The following ABCA12 variants were observed in gnomAD, a reference collection of about 807,000 sequenced individuals.
ABCA12 encodes the protein ATP binding cassette subfamily A member 12, also known as glucosylceramide transporter ABCA12.
A neutral mutation model predicts 293.5 loss-of-function variants in ABCA12; 156 were observed. The ratio of observed to expected loss-of-function variants is 0.53; its 90% confidence interval spans 0.47 to 0.61. The LOEUF is 0.61. ABCA12 is among the 20% of genes least tolerant of loss of function. ABCA12 has a pLI of 0.00. For missense variants in ABCA12, 2,797 were observed against 3,090.2 expected, an observed-to-expected ratio of 0.91 and a Z score of 2.25; for synonymous variants, 1,063 against 1,108.0, an observed-to-expected ratio of 0.96 and a Z score of 0.81.
intron 2 of ABCA12, among the ~76,000 whole-genome samples, chr2:215,071,116 G>A (rs1362111132): frequency 6.6e-6 from 1 of 151,630 alleles, no homozygotes; most frequent in Non-Finnish European, 1.5e-5. Flanking sequence ...AGAATCGCTT[G>A]AGCTCAGGAG....
intron 42 of ABCA12, 37 bp from the exon 43 acceptor site, chr2:214,955,398 T>G (rs1454362605): frequency 1.2e-6 from 2 of 1,609,508 alleles, no homozygotes; most frequent in Non-Finnish European, 1.7e-6. Context: ...AAATTACGCC[T>G]CGGCCAGGCA....
chr2:214,934,010 AAAT>A lies in ABCA12; in HGVS notation c.7680+65_7680+67del, dbSNP rs530046332. Reference sequence around the variant, plus strand: ...AAACAAATTGAATGTAATTAAAAAGAAATAACCAGAATGAATAATAATATTAAT... The same window carrying A: ...AAACAAATTGAATGTAATTAAAAAGAAACCAGAATGAATAATAATATTAAT... On this transcript the variant is annotated intron_variant, in intron 52 of 52. Coordinates refer to ENST00000272895, the MANE Select transcript of ABCA12 (RefSeq NM_173076.3). 5.3e-5 allele frequency: 80 copies of A among 1,513,170 alleles called. No individual in the cohort carries two copies. In the Admixed American group the frequency reaches 1.0e-3, roughly 20 times the overall value. 93.7% of individuals were successfully genotyped at this position (1,513,170 alleles called of 1,614,324 possible).
chr2:215,103,267 C>CTTTTTTT (rs72000528), intron 2 of ABCA12, among the ~76,000 whole-genome samples: 7 of 122,382 alleles, frequency 5.7e-5, no homozygotes, highest in East Asian at 2.4e-4. Context: ...AAATTTCTTT[C>CTTTTTTT]TTTTTTTTTT....
chr2:214,955,222 T>G lies in ABCA12; in HGVS notation c.6373A>C (p.Lys2125Gln). The change falls in exon 43 of 53, where the codon AAG becomes CAG. Residue 2125 changes from lysine (K) to glutamine (Q), a missense_variant. Physicochemically the swap from Lys to Gln is moderately conservative, Grantham distance 53. Coordinates refer to ENST00000272895, the MANE Select transcript of ABCA12 (RefSeq NM_173076.3). ...CTTACCGGATCATTAGGCTTTTCCT[T>G]GGAAAGAAAGTATACCACTGACAGG... ...VSLSVVYFLSKEKPNDPTLEL... is the reference protein window; with the variant it reads ...VSLSVVYFLSQEKPNDPTLEL... The G allele has an allele frequency of 2.5e-6, 4 of 1,614,054 alleles. No homozygotes were observed. The highest frequency in any genetic ancestry group is 2.5e-6 in the Non-Finnish European group (3 of 1,179,980).
Position 214,959,076 on chromosome 2 carries a change from T to A in ABCA12, c.5887A>T (p.Ile1963Phe), listed in dbSNP as rs1699039473. 6.2e-7 allele frequency: 1 copy of A among 1,613,660 alleles called. No individual in the cohort carries two copies. Among genetic ancestry groups the A allele is most frequent in the South Asian group, 1.1e-5 (1 of 91,086 alleles). ...MSKYDAARHG[I>F]IMYSHPYPGV... ...GGATAAGGATGGCTATACATGATGA[T>A]GCCTTAAAGACGAAACAGTTCTTCT... The change falls in exon 40 of 53, where the codon ATC (isoleucine) becomes TTC (phenylalanine). Residue 1963 changes from isoleucine (I) to phenylalanine (F), a missense_variant and splice_region_variant. Physicochemically the swap from Ile to Phe is conservative, Grantham distance 21. Around this residue, in one of 3 missense-constraint regions of ABCA12, gnomAD observed 2,130 missense variants for 2,427.0 expected, o/e 0.88. Coordinates refer to ENST00000272895, the MANE Select transcript of ABCA12 (RefSeq NM_173076.3).
At chr2:215,044,284 A>C (rs1575006446) in intron 7 of ABCA12, among the ~76,000 whole-genome samples, 1 of 152,250 alleles carries the variant, frequency 6.6e-6, no homozygotes, top group Non-Finnish European at 1.5e-5. Flanking sequence ...GTAATATATG[A>C]CCGCTTCAGT....
chr2:215,059,449 C>T (rs1701485217), intron 3 of ABCA12, among the ~76,000 whole-genome samples: 1 of 152,002 alleles, frequency 6.6e-6, no homozygotes. Context: ...GGATATCTGT[C>T]CACATTCCAA....
intron 23 of ABCA12, 84 bp downstream of exon 23, chr2:214,997,611 G>C (rs543097646): frequency 7.7e-4 from 817 of 1,055,412 alleles, no homozygotes; most frequent in Admixed American, 1.1e-3. Flanking sequence ...TAGGCTTTCT[G>C]AAGTTTATAA....
At chr2:215,052,730 A>G (rs2106058455) in intron 4 of ABCA12, 146 bp from the exon 5 acceptor site, 11 of 739,724 alleles carry the variant, frequency 1.5e-5, no homozygotes, top group Non-Finnish European at 2.6e-5. Flanking sequence ...TGGAAGTTTT[A>G]TACTGGAAAA....
intron 39 of ABCA12, chr2:214,962,990 A>G (rs956240845): frequency 6.6e-6 from 1 of 152,182 alleles, no homozygotes; most frequent in Non-Finnish European, 1.5e-5. Flanking sequence ...TTGATAACCT[A>G]ACATCTTAAC....
chr2:214,935,319 G>A (rs1426371551), intron 51 of ABCA12, among the ~76,000 whole-genome samples: 1 of 152,046 alleles, frequency 6.6e-6, no homozygotes, highest in African/African-American at 2.4e-5. Flanking sequence ...GTATAGCCCT[G>A]GTCCCATGAG....
At chr2:214,982,049 C>T (rs773066558) in intron 30 of ABCA12, 138 bp downstream of exon 30, 2 of 791,376 alleles carry the variant, frequency 2.5e-6, no homozygotes, top group Non-Finnish European at 4.3e-6. Context: ...CAGGCTCAAG[C>T]AATCCTCCTG....
At chr2:215,030,233 G>A (rs1273085801) in intron 9 of ABCA12, 1 of 152,152 alleles carries the variant, frequency 6.6e-6, no homozygotes, top group Non-Finnish European at 1.5e-5. Context: ...TACGCATGCA[G>A]TTATCTCAGT....
intron 7 of ABCA12, chr2:215,039,158 C>G (rs894254407): frequency 2.0e-5 from 3 of 152,082 alleles, no homozygotes; most frequent in Non-Finnish European, 4.4e-5. Flanking sequence ...TTGCTGATTT[C>G]TGCTTATTAC....
chr2:215,048,432 C>T (rs1221463172), intron 6 of ABCA12, among the ~76,000 whole-genome samples: 2 of 151,872 alleles, frequency 1.3e-5, no homozygotes, highest in African/African-American at 4.8e-5. Context: ...CAGTGGCTCA[C>T]GTCTATAATC....
At chr2:215,031,362 C>G (rs763512395) in intron 9 of ABCA12, among the ~76,000 whole-genome samples, 17 of 152,126 alleles carry the variant, frequency 1.1e-4, no homozygotes, top group African/African-American at 4.1e-4. Context: ...TATGTTCTCC[C>G]GAAATTCGTA....
At chr2:215,061,548 A>G (rs1701528493) in intron 3 of ABCA12, among the ~76,000 whole-genome samples, 1 of 152,108 alleles carries the variant, frequency 6.6e-6, no homozygotes, top group Non-Finnish European at 1.5e-5. Flanking sequence ...TTGTTTATCC[A>G]GTAAAATATA....
At chr2:214,950,424 A>G (rs984212827) in intron 45 of ABCA12, among the ~76,000 whole-genome samples, 64 of 143,858 alleles carry the variant, frequency 4.4e-4, no homozygotes, top group Middle Eastern at 3.6e-3. Flanking sequence ...GTGTGTGTAT[A>G]TATATGCATG....
chr2:215,019,794 C>A lies in ABCA12; in HGVS notation c.1290G>T (p.Leu430=). The stretch of plus-strand genomic sequence containing the variant: ...GTTCGGTCAAGTTTCGAAGTTGAGA[C>A]AGCTTTCCAAAAAGGGAAAAGAGTG... ...PPVPEVLKSK[L]SQLRNLTELL... The change falls in exon 12 of 53, where the codon CTG becomes CTT. Residue 430 remains leucine, a splice_region_variant and synonymous_variant. Transcript: ENST00000272895. 1 of 1,610,978 alleles carries A rather than the reference C, an allele frequency of 6.2e-7. No individual in the cohort carries two copies. Among genetic ancestry groups the A allele is most frequent in the Non-Finnish European group, 8.5e-7 (1 of 1,180,008 alleles).
Sources: gnomAD v4.1 joint callset for allele counts (sites outside exome capture counted in the v4.1 genomes callset) on GRCh38, gnomAD v4.1.1 for gene constraint, gnomAD v4.1.1 regional missense constraint, MANE v1.5 for transcripts, NCBI Gene and HGNC (gene_info 2026-07-23, HGNC 2026-07-21) for gene names.